Variants in ZNF827 observed in about 807,000 individuals in gnomAD.
The protein encoded by ZNF827 is zinc finger protein 827.
Under a neutral mutation model 102.4 loss-of-function variants are expected in ZNF827, and 13 were observed. The observed-to-expected ratio is 0.13, with a 90% CI of 0.08 to 0.20. The LOEUF is 0.20. ZNF827 is among the 10% of genes least tolerant of loss of function. ZNF827 has a pLI of 1.00. For missense variants in ZNF827, 1,103 were observed against 1,344.4 expected, an observed-to-expected ratio of 0.82 and a Z score of 2.81; for synonymous variants, 523 against 536.2, an observed-to-expected ratio of 0.98 and a Z score of 0.34.
Position 145,763,036 on chromosome 4 carries a change from A to C in ZNF827, c.*17+54T>G, listed in dbSNP as rs1224657065. On this transcript the variant is annotated intron_variant, in intron 14 of 14. Coordinates refer to ENST00000508784, the MANE Select transcript of ZNF827 (RefSeq NM_001306215.2). The surrounding 1 kb of genome is among the most constrained non-coding windows in gnomAD (Gnocchi z 4.6). Reference sequence around the variant, plus strand: ...AAGAGTGCACACGAGAGAAATATAAAGCCCATTCCCAGGTCAGGTGCACAC... The same window carrying C: ...AAGAGTGCACACGAGAGAAATATAACGCCCATTCCCAGGTCAGGTGCACAC... 6.8e-7 allele frequency: 1 copy of C among 1,481,312 alleles called. No homozygotes were observed. The highest frequency in any genetic ancestry group is 1.4e-5 in the African/African-American group (1 of 71,476). The allele number at this position is 1,481,312 out of a possible 1,614,324, so 91.8% of individuals were successfully genotyped here.
chr4:145,827,641 C>T lies in ZNF827; in HGVS notation c.2280-4116G>A, dbSNP rs146395735. Reference sequence around the variant, plus strand: ...CAAAGCTGTAAAGCACATGGTGGCACTATGGCTACATACACAACTGTGTAT... The same window carrying T: ...CAAAGCTGTAAAGCACATGGTGGCATTATGGCTACATACACAACTGTGTAT... On this transcript the variant is annotated intron_variant, in intron 7 of 14. Coordinates refer to ENST00000508784, the MANE Select transcript of ZNF827 (RefSeq NM_001306215.2). 1.8e-4 allele frequency among the ~76,000 whole-genome samples: 28 copies of T among 152,334 alleles called. No homozygotes were observed. In the East Asian group the frequency reaches 4.2e-3, roughly 23 times the overall value.
chr4:145,801,673 G>A (rs757692673), intron 8 of ZNF827, among the ~76,000 whole-genome samples: 6 of 152,192 alleles, frequency 3.9e-5, no homozygotes, highest in African/African-American at 7.2e-5. Flanking sequence ...TTGTCAGGGC[G>A]TGGGAAGCCA....
chr4:145,893,499 T>TAA (rs1750762836), intron 2 of ZNF827, among the ~76,000 whole-genome samples: 1 of 152,228 alleles, frequency 6.6e-6, no homozygotes, highest in Non-Finnish European at 1.5e-5. Flanking sequence ...GTCCAAGATA[T>TAA]TAGCATTGGT....
At chr4:145,917,771 A>T (rs1752774361) in intron 1 of ZNF827, among the ~76,000 whole-genome samples, 1 of 148,836 alleles carries the variant, frequency 6.7e-6, no homozygotes, top group Non-Finnish European at 1.5e-5. Flanking sequence ...GGGAGTGACC[A>T]CTTATATTAT....
At chr4:145,875,150 A>C (rs1435902671) in intron 4 of ZNF827, among the ~76,000 whole-genome samples, 7 of 152,224 alleles carry the variant, frequency 4.6e-5, no homozygotes, top group Non-Finnish European at 7.3e-5. Context: ...ATTACTAGGG[A>C]AAATACTATA....
At chr4:145,854,670 T>G (rs1053627010) in intron 5 of ZNF827, among the ~76,000 whole-genome samples, 5 of 152,236 alleles carry the variant, frequency 3.3e-5, no homozygotes, top group Admixed American at 6.5e-5. Context: ...ATATTCCAGT[T>G]GCTTCAACAG....
intron 8 of ZNF827, among the ~76,000 whole-genome samples, chr4:145,807,677 G>A (rs1161341613): frequency 2.6e-5 from 4 of 151,302 alleles, no homozygotes; most frequent in Middle Eastern, 3.4e-3. Context: ...TCACCATCTT[G>A]GCCAGGCTGG....
At chr4:145,806,628 A>G (rs1741484642) in intron 8 of ZNF827, among the ~76,000 whole-genome samples, 1 of 152,142 alleles carries the variant, frequency 6.6e-6, no homozygotes, top group East Asian at 1.9e-4. Flanking sequence ...ATCTAAGGGG[A>G]AAGTTAAGGA....
chr4:145,765,573 A>G lies in ZNF827; in HGVS notation c.3026T>C (p.Leu1009Pro). The change falls in exon 12 of 15, where the codon CTG becomes CCG. Residue 1009 changes from leucine to proline, a missense_variant. Around this residue, in one of 5 missense-constraint regions of ZNF827, gnomAD observed 242 missense variants for 361.9 expected, o/e 0.67. Transcript: ENST00000508784. The surrounding 1 kb of genome is among the most constrained non-coding windows in gnomAD (Gnocchi z 4.7). ...ISVMPGSQPSLNSEEKPEKGF... is the reference protein window; with the variant it reads ...ISVMPGSQPSPNSEEKPEKGF... ...TTTCTCTGGCTTTTCCTCACTGTTCAGTGAGGGCTGGCTCCCAGGCATGAC... is the reference window on the plus strand; with the variant it reads ...TTTCTCTGGCTTTTCCTCACTGTTCGGTGAGGGCTGGCTCCCAGGCATGAC... The G allele has an allele frequency of 6.2e-7, 1 of 1,613,618 alleles. No individual in the cohort carries two copies. The highest frequency in any genetic ancestry group is 8.5e-7 in the Non-Finnish European group (1 of 1,179,834).
intron 7 of ZNF827, among the ~76,000 whole-genome samples, chr4:145,828,033 T>C (rs577656983): frequency 9.3e-4 from 141 of 152,304 alleles, no homozygotes; most frequent in African/African-American, 3.2e-3. Flanking sequence ...TGACTGTCAC[T>C]GTTGGCAGCG....
chr4:145,765,129 G>C lies in ZNF827; in HGVS notation c.3089C>G (p.Thr1030Arg). Residue 1030 changes from threonine to arginine, a missense_variant, in exon 13 of 15, where the codon ACG becomes AGG. By Grantham distance (71) the Thr-to-Arg change is moderately conservative. Coordinates refer to ENST00000508784, the MANE Select transcript of ZNF827 (RefSeq NM_001306215.2). The surrounding 1 kb of genome is among the most constrained non-coding windows in gnomAD (Gnocchi z 4.7). ...ECVFCNFVCKTKNMFERHLQI... is the reference protein window; with the variant it reads ...ECVFCNFVCKRKNMFERHLQI... ...CAGATGACGCTCAAACATGTTCTTC[G>C]TCTTGCAGACAAAGTTGCAAAAAAC... The C allele has an allele frequency of 6.2e-7, 1 of 1,613,612 alleles. No homozygotes were observed. Among genetic ancestry groups the C allele is most frequent in the Non-Finnish European group, 8.5e-7 (1 of 1,179,752 alleles).
rs183930864 is a variant in ZNF827, at chr4:145,891,395, T to C, written c.1266+848A>G. Among the ~76,000 whole-genome samples, 1,065 of 152,344 alleles carry C rather than the reference T, an allele frequency of 7.0e-3. 5 individuals are homozygous for C. Among genetic ancestry groups the C allele is most frequent in the Non-Finnish European group, 9.1e-3 (620 of 68,028 alleles). On this transcript the variant is annotated intron_variant, in intron 3 of 14. Transcript: ENST00000508784. ...CAGGTCTATCAAATTCAAAAGCCCA[T>C]GCTCTTTTGATCCCATGAGTTTCCT...
intron 1 of ZNF827, among the ~76,000 whole-genome samples, chr4:145,916,890 G>A (rs1216385518): frequency 2.0e-5 from 3 of 152,040 alleles, no homozygotes; most frequent in South Asian, 2.1e-4. Flanking sequence ...GACACAATTC[G>A]GCCAAGTTCT....
chr4:145,766,591 G>A (rs747683748), intron 11 of ZNF827, among the ~76,000 whole-genome samples: 22 of 152,282 alleles, frequency 1.4e-4, no homozygotes, highest in Non-Finnish European at 2.1e-4. Context: ...TTTGCAGGAC[G>A]GAGTATCAGA....
At chr4:145,830,721 C>A (rs969356938) in intron 7 of ZNF827, 1 of 152,032 alleles carries the variant, frequency 6.6e-6, no homozygotes, top group Non-Finnish European at 1.5e-5. Context: ...GTGCTTAGTT[C>A]TACATATTTT....
At chr4:145,776,191 T>C (rs528725616) in intron 9 of ZNF827, among the ~76,000 whole-genome samples, 16 of 152,166 alleles carry the variant, frequency 1.1e-4, no homozygotes, top group Non-Finnish European at 4.4e-5. Context: ...GCACTGTGGC[T>C]CACACCTGTA....
At position 145,812,715 on chromosome 4, in the gene ZNF827, A is replaced by G. The variant is rs1399122677; in HGVS notation, c.2383+10707T>C. Among the ~76,000 whole-genome samples the G allele has an allele frequency of 2.0e-5, 3 of 151,848 alleles. No homozygotes were observed. The East Asian group carries it at 5.8e-4, about 29-fold the overall frequency. On this transcript the variant is annotated intron_variant, in intron 8 of 14. Transcript: ENST00000508784. Reference sequence around the variant, plus strand: ...GCTAACTTTTGTATTTTTAGTGGAGATGGGGTTTCACTGCATTGGTCAGGC... The same window carrying G: ...GCTAACTTTTGTATTTTTAGTGGAGGTGGGGTTTCACTGCATTGGTCAGGC...
chr4:145,902,810 A>T lies in ZNF827; in HGVS notation c.449T>A (p.Val150Asp). The change falls in exon 2 of 15, where the codon GTT becomes GAT. Residue 150 changes from valine to aspartate, a missense_variant. Physicochemically the swap from Val to Asp is radical, Grantham distance 152. Transcript: ENST00000508784. This position sits in a 1 kb window ranked among gnomAD's most constrained non-coding sequence, Gnocchi z 4.3. Reference protein sequence around the residue: ...ANGRVESPVNVGSNLSFSPPS... With the variant: ...ANGRVESPVNDGSNLSFSPPS... ...CGGGGAAAAGGAGAGGTTCGAGCCA[A>T]CGTTTACGGGGGACTCCACTCTGCC... 2 of 1,614,132 alleles carry T rather than the reference A, an allele frequency of 1.2e-6. No individual in the cohort carries two copies. The highest frequency in any genetic ancestry group is 2.2e-5 in the South Asian group (2 of 91,070).
In ZNF827 at chr4:145,849,596, C is replaced by T. The variant is rs763926321; in HGVS notation, c.1982-35G>A. The T allele has an allele frequency of 3.7e-6, 6 of 1,609,946 alleles. No homozygotes were observed. In the Admixed American group the frequency reaches 8.4e-5, roughly 22 times the overall value. ...GGTGAATGAAGAGAAACAAAAACACCACCATTTCTTAATTCCAAGCTAGAC... is the reference window on the plus strand; with the variant it reads ...GGTGAATGAAGAGAAACAAAAACACTACCATTTCTTAATTCCAAGCTAGAC... On this transcript the variant is annotated intron_variant, in intron 5 of 14. Coordinates refer to ENST00000508784, the MANE Select transcript of ZNF827 (RefSeq NM_001306215.2).
Sources: gnomAD v4.1 joint callset for allele counts (sites outside exome capture counted in the v4.1 genomes callset) on GRCh38, gnomAD v4.1.1 for gene constraint, gnomAD v4.1.1 regional missense constraint, Gnocchi (gnomAD v3.1) non-coding constraint, MANE v1.5 for transcripts, NCBI Gene and HGNC (gene_info 2026-07-23, HGNC 2026-07-21) for gene names.